The following ESD variants were observed in gnomAD, a reference collection of about 807,000 sequenced individuals.
The protein encoded by ESD is S-formylglutathione hydrolase.
ESD carries 34 observed loss-of-function variants against 38.1 expected under a neutral mutation model. The ratio of observed to expected loss-of-function variants is 0.89; its 90% CI spans 0.68 to 1.19. The LOEUF is 1.19. ESD is among the 50% of genes most tolerant of loss of function. The pLI, the probability that ESD is intolerant of heterozygous loss-of-function variation, is 0.00. For synonymous variants in ESD, 97 were observed against 107.0 expected, an observed-to-expected ratio of 0.91 and a Z score of 0.58; for missense variants, 334 against 327.2, an observed-to-expected ratio of 1.02 and a Z score of -0.16.
At chr13:46,783,240 T>G (rs973796136) in intron 5 of ESD, among the ~76,000 whole-genome samples, 2 of 152,150 alleles carry the variant, frequency 1.3e-5, no homozygotes, top group Admixed American at 1.3e-4. Flanking sequence ...GGGAGGCAGA[T>G]GCTTGTGCTC....
chr13:46,772,383 T>A (rs1874636757), intron 9 of ESD, among the ~76,000 whole-genome samples: 1 of 152,020 alleles, frequency 6.6e-6, no homozygotes, highest in Non-Finnish European at 1.5e-5. Flanking sequence ...TAAAAAATAG[T>A]CTTCCAAAAA....
intron 1 of ESD, among the ~76,000 whole-genome samples, chr13:46,795,782 A>T (rs1875552526): frequency 6.6e-6 from 1 of 151,214 alleles, no homozygotes; most frequent in Admixed American, 6.6e-5. Context: ...AGACAGGGTC[A>T]AACTCTGTGG....
chr13:46,790,444 TA>T lies in ESD; in HGVS notation c.68+901del, dbSNP rs1053218269. ...CAAACTCCCCACAAAGAAATTCTTC[TA>T]AAGGATATAAGACTAAGTCCCCAAA... On this transcript the variant is annotated intron_variant, in intron 3 of 9. Coordinates refer to ENST00000378720, the MANE Select transcript of ESD (RefSeq NM_001984.2). 4.7e-4 allele frequency among the ~76,000 whole-genome samples: 71 copies of T among 152,252 alleles called. 2 individuals carry two copies. Among genetic ancestry groups the T allele is most frequent in the South Asian group, 6.2e-4 (3 of 4,818 alleles).
At chr13:46,788,099 G>A (rs1875258732) in intron 3 of ESD, among the ~76,000 whole-genome samples, 2 of 151,918 alleles carry the variant, frequency 1.3e-5, no homozygotes, top group African/African-American at 4.8e-5. Flanking sequence ...AGTTATAAAT[G>A]CTATTCAGAG....
intron 3 of ESD, among the ~76,000 whole-genome samples, chr13:46,789,488 C>T (rs1371732781): frequency 6.6e-6 from 1 of 152,100 alleles, no homozygotes; most frequent in Non-Finnish European, 1.5e-5. Flanking sequence ...TTCTTTGTTC[C>T]CAACACTCTA....
At position 46,777,907 on chromosome 13, in the gene ESD, T is replaced by C. The variant is rs529170848; in HGVS notation, c.601-284A>G. Among the ~76,000 whole-genome samples, 246 of 151,952 alleles carry C rather than the reference T, an allele frequency of 1.6e-3. 2 individuals are homozygous for C. The highest frequency in any genetic ancestry group is 2.6e-3 in the Non-Finnish European group (179 of 67,824). On this transcript the variant is annotated intron_variant, in intron 8 of 9. Coordinates refer to ENST00000378720, the MANE Select transcript of ESD (RefSeq NM_001984.2). ...CTTAAGAAAATGGCCTTTTTCCTTCTAAACCTTTAATATTCTTAATCTCCT... is the reference window on the plus strand; with the variant it reads ...CTTAAGAAAATGGCCTTTTTCCTTCCAAACCTTTAATATTCTTAATCTCCT...
chr13:46,795,987 T>C (rs1875561286), intron 1 of ESD, among the ~76,000 whole-genome samples: 1 of 152,168 alleles, frequency 6.6e-6, no homozygotes, highest in African/African-American at 2.4e-5. Flanking sequence ...AAAATTCACA[T>C]GGCTTGCCTA....
At chr13:46,786,505 T>C (rs1021466439) in intron 4 of ESD, among the ~76,000 whole-genome samples, 4 of 151,990 alleles carry the variant, frequency 2.6e-5, no homozygotes, top group African/African-American at 9.7e-5. Context: ...TATTCTACAG[T>C]AGTTAATATG....
At chr13:46,775,174 C>T (rs1427967330) in intron 9 of ESD, among the ~76,000 whole-genome samples, 1 of 151,614 alleles carries the variant, frequency 6.6e-6, no homozygotes, top group Non-Finnish European at 1.5e-5. Context: ...ATTCTGCTAC[C>T]TAGTATTTTT....
intron 9 of ESD, among the ~76,000 whole-genome samples, chr13:46,773,327 T>C (rs538138527): frequency 6.6e-6 from 1 of 152,314 alleles, no homozygotes; most frequent in Non-Finnish European, 1.5e-5. Context: ...CACACTATCT[T>C]CTACAATGGT....
At chr13:46,796,112 T>C (rs1400027420) in intron 1 of ESD, among the ~76,000 whole-genome samples, 2 of 152,198 alleles carry the variant, frequency 1.3e-5, no homozygotes, top group African/African-American at 2.4e-5. Flanking sequence ...TCCCAGATTA[T>C]TTTTCTGGTC....
At chr13:46,776,519 G>C (rs1434882353) in intron 9 of ESD, 1 of 152,036 alleles carries the variant, frequency 6.6e-6, no homozygotes, top group African/African-American at 2.4e-5. Flanking sequence ...TAGCTATGTG[G>C]CCTTAGATAA....
chr13:46,796,572 T>C (rs1875585326), intron 1 of ESD, among the ~76,000 whole-genome samples: 1 of 152,138 alleles, frequency 6.6e-6, no homozygotes, highest in African/African-American at 2.4e-5. Flanking sequence ...CGAACAGATT[T>C]TGTCAAACTC....
intron 3 of ESD, among the ~76,000 whole-genome samples, chr13:46,790,978 C>A (rs1176320550): frequency 6.6e-6 from 1 of 152,092 alleles, no homozygotes; most frequent in Non-Finnish European, 1.5e-5. Flanking sequence ...TTGGAGGCAG[C>A]GGAAGCAAAT....
At chr13:46,785,490 T>C (rs953528826) in intron 4 of ESD, among the ~76,000 whole-genome samples, 3 of 152,070 alleles carry the variant, frequency 2.0e-5, no homozygotes, top group Non-Finnish European at 4.4e-5. Context: ...TCTTTTAAGA[T>C]TTCAGTTTGG....
chr13:46,774,720 G>C (rs1435959576), intron 9 of ESD, among the ~76,000 whole-genome samples: 1 of 152,160 alleles, frequency 6.6e-6, no homozygotes, highest in Non-Finnish European at 1.5e-5. Context: ...ATATTTTCCA[G>C]ACCCAATTAG....
chr13:46,784,253 AG>A lies in ESD; in HGVS notation c.254del (p.Pro85LeufsTer48). 6.2e-7 allele frequency: 1 copy of A among 1,609,424 alleles called. No homozygotes were observed. Among genetic ancestry groups the A allele is most frequent in the Non-Finnish European group, 8.5e-7 (1 of 1,176,762 alleles). ...GLVVIAPDTS[P>X]RGCNIKGEDE... ...GATATCTAGACCACAAACACTTACG[AG>A]GGCTGGTATCTGGAGCAATGACAAC... On this transcript the variant is annotated frameshift_variant and splice_region_variant, in exon 5 of 10. Transcript: ENST00000378720. LOFTEE classifies it high-confidence loss of function.
intron 6 of ESD, among the ~76,000 whole-genome samples, chr13:46,782,159 A>C (rs1415046608): frequency 6.7e-6 from 1 of 150,238 alleles, no homozygotes; most frequent in Non-Finnish European, 1.5e-5. Flanking sequence ...TCATAGAAAC[A>C]GTCTGGAACA....
chr13:46,797,596 A>G (rs1297271224), upstream of ESD, among the ~76,000 whole-genome samples: 3 of 152,360 alleles, frequency 2.0e-5, no homozygotes, highest in East Asian at 5.8e-4. Context: ...TATCCACGTC[A>G]CCTACTTGGT....
Sources: allele counts gnomAD v4.1 joint callset (sites outside exome capture counted in the v4.1 genomes callset), GRCh38; gene constraint gnomAD v4.1.1; transcripts MANE v1.5; gene names NCBI Gene and HGNC (gene_info 2026-07-23, HGNC 2026-07-21).